SPIDR: variants seen among roughly 807,000 people sequenced by gnomAD.
SPIDR encodes DNA repair-scaffolding protein.
In SPIDR, 93 loss-of-function variants were observed where a neutral mutation model predicts 104.6. That is an observed-to-expected ratio of 0.89 (90% CI 0.75 to 1.06). SPIDR has a LOEUF of 1.06. Ranked by LOEUF, SPIDR falls within the 50% of genes least tolerant of loss-of-function variation. The pLI, the probability that SPIDR is intolerant of heterozygous loss-of-function variation, is 0.00. For missense variants in SPIDR, 1,154 were observed against 1,111.2 expected, an observed-to-expected ratio of 1.04 and a Z score of -0.55; for synonymous variants, 431 against 416.9, an observed-to-expected ratio of 1.03 and a Z score of -0.41.
chr8:47,328,507 C>T (rs2048088992), intron 5 of SPIDR, among the ~76,000 whole-genome samples: 1 of 152,150 alleles, frequency 6.6e-6, no homozygotes, highest in South Asian at 2.1e-4. Context: ...CCACCTAAGC[C>T]TCCCAAAGTG....
At position 47,592,640 on chromosome 8, in the gene SPIDR, AGT is replaced by A. The variant is rs1339100673; in HGVS notation, c.1098-3170_1098-3169del. ...AGAACCCGAGTTCGGCCTCTGGTCT[AGT>A]CTCCGGCTCCGCTTGCCTCACGCAC... is the stretch of plus-strand genomic sequence containing the variant. On this transcript the variant is annotated intron_variant, in intron 8 of 19. Coordinates refer to ENST00000297423, the MANE Select transcript of SPIDR (RefSeq NM_001080394.4). 6 of 1,049,548 alleles carry A rather than the reference AGT, an allele frequency of 5.7e-6. No individual in the cohort carries two copies. The African/African-American group carries it at 9.5e-5, about 17-fold the overall frequency. The allele number at this position is 1,049,548 out of a possible 1,614,324, so 65.0% of individuals were successfully genotyped here.
intron 8 of SPIDR, among the ~76,000 whole-genome samples, chr8:47,543,397 A>AT (rs1483198572): frequency 6.6e-6 from 1 of 152,132 alleles, no homozygotes; most frequent in African/African-American, 2.4e-5. Flanking sequence ...TTTAATGTGC[A>AT]TTTCCCTAAT....
chr8:47,442,371 A>G (rs1369662273), intron 8 of SPIDR, among the ~76,000 whole-genome samples: 2 of 152,206 alleles, frequency 1.3e-5, no homozygotes, highest in Non-Finnish European at 2.9e-5. Flanking sequence ...TATGTAAGTT[A>G]TGTAATCCTG....
At chr8:47,498,955 A>C (rs1202888566) in intron 8 of SPIDR, among the ~76,000 whole-genome samples, 2 of 152,212 alleles carry the variant, frequency 1.3e-5, no homozygotes, top group Non-Finnish European at 2.9e-5. Context: ...TGCTCATTTA[A>C]GAAAATATTT....
chr8:47,541,948 T>G (rs1212101506), intron 8 of SPIDR, among the ~76,000 whole-genome samples: 1 of 152,050 alleles, frequency 6.6e-6, no homozygotes, highest in Non-Finnish European at 1.5e-5. Context: ...TAAATATGTT[T>G]ATACTATACT....
intron 8 of SPIDR, among the ~76,000 whole-genome samples, chr8:47,491,500 T>C (rs782359057): frequency 4.6e-5 from 7 of 152,060 alleles, no homozygotes; most frequent in Middle Eastern, 3.4e-3. Context: ...TTCATGAATC[T>C]GGCATGTTTT....
At chr8:47,599,606 A>G (rs188337884) in intron 10 of SPIDR, among the ~76,000 whole-genome samples, 93 of 152,330 alleles carry the variant, frequency 6.1e-4, no homozygotes, top group Non-Finnish European at 1.2e-3. Flanking sequence ...TTCAGAGAGT[A>G]CTGTATCAAA....
chr8:47,705,515 G>A (rs2080951310), intron 14 of SPIDR, among the ~76,000 whole-genome samples: 1 of 152,142 alleles, frequency 6.6e-6, no homozygotes, highest in Non-Finnish European at 1.5e-5. Context: ...TGACTCCTGG[G>A]GCCAGTCCGT....
intron 10 of SPIDR, among the ~76,000 whole-genome samples, chr8:47,627,292 G>T (rs1588558082): frequency 6.6e-6 from 1 of 152,054 alleles, no homozygotes; most frequent in Non-Finnish European, 1.5e-5. Flanking sequence ...AATGCTAAAT[G>T]ACAAGTTAAT....
intron 7 of SPIDR, among the ~76,000 whole-genome samples, chr8:47,434,159 A>G (rs372729097): frequency 1.3e-5 from 2 of 152,236 alleles, no homozygotes; most frequent in African/African-American, 4.8e-5. Context: ...AAGATGAATT[A>G]TTATCATCAC....
intron 8 of SPIDR, among the ~76,000 whole-genome samples, chr8:47,534,744 A>G (rs1030232577): frequency 6.6e-6 from 1 of 152,176 alleles, no homozygotes; most frequent in African/African-American, 2.4e-5. Context: ...ATGTTTACCT[A>G]TGTAACAAAC....
At chr8:47,536,564 T>C (rs548874372) in intron 8 of SPIDR, among the ~76,000 whole-genome samples, 85 of 152,204 alleles carry the variant, frequency 5.6e-4, no homozygotes, top group Non-Finnish European at 1.0e-3. Flanking sequence ...CCTGAACATC[T>C]ACATAAAAAA....
intron 10 of SPIDR, among the ~76,000 whole-genome samples, chr8:47,618,815 T>C (rs1189811901): frequency 6.6e-6 from 1 of 152,204 alleles, no homozygotes. Flanking sequence ...TGGGATACTA[T>C]GCTGTCATCT....
chr8:47,545,429 T>C (rs760065157), intron 8 of SPIDR, among the ~76,000 whole-genome samples: 5 of 152,136 alleles, frequency 3.3e-5, no homozygotes, highest in Non-Finnish European at 5.9e-5. Flanking sequence ...TTGGTGTCCA[T>C]GTATTCTAGT....
At chr8:47,283,987 C>T in intron 2 of SPIDR, 41 bp from the exon 3 acceptor site, 1 of 1,459,514 alleles carries the variant, frequency 6.9e-7, no homozygotes, top group Non-Finnish European at 9.4e-7. Flanking sequence ...TTTTTTTTAG[C>T]ATTTGTCACA....
chr8:47,408,028 T>A, intron 7 of SPIDR, 67 bp downstream of exon 7: 1 of 828,450 alleles, frequency 1.2e-6, no homozygotes, highest in Non-Finnish European at 1.9e-6. Flanking sequence ...ATTCTTACAT[T>A]AAAATATATG....
At chr8:47,271,841 G>C (rs2035386788) in intron 1 of SPIDR, among the ~76,000 whole-genome samples, 1 of 152,110 alleles carries the variant, frequency 6.6e-6, no homozygotes, top group Non-Finnish European at 1.5e-5. Context: ...AGGCTGGAGT[G>C]CAATGACATG....
chr8:47,479,734 G>A (rs185483011), intron 8 of SPIDR, among the ~76,000 whole-genome samples: 45 of 152,294 alleles, frequency 3.0e-4, no homozygotes, highest in African/African-American at 1.1e-3. Flanking sequence ...AAAGGAATTT[G>A]CTACACATTC....
At position 47,260,970 on chromosome 8, in the gene SPIDR, C is replaced by T. The variant is rs2031953089; in HGVS notation, c.12C>T (p.Gly4=). ...CGGCGCTCCCGGAGATGCCCCGCGG[C>T]AGCCGCGCTCGGGGCTCTAAGGTAG... is the stretch of plus-strand genomic sequence containing the variant. The part of the protein sequence containing the change: MPR[G]SRARGSKRKR... The change falls in exon 1 of 20, where the codon GGC becomes GGT. Residue 4 remains glycine, a synonymous_variant. Transcript: ENST00000297423. 9 of 1,230,280 alleles carry T rather than the reference C, an allele frequency of 7.3e-6. No homozygotes were observed. Among genetic ancestry groups the T allele is most frequent in the Non-Finnish European group, 9.1e-6 (9 of 986,790 alleles). The allele number at this position is 1,230,280 out of a possible 1,614,324, so 76.2% of individuals were successfully genotyped here. A position where few individuals can be genotyped will look rare whatever the true frequency, so the allele number is the denominator to read the frequency against.
Sources: allele counts gnomAD v4.1 joint callset (sites outside exome capture counted in the v4.1 genomes callset), GRCh38; gene constraint gnomAD v4.1.1; transcripts MANE v1.5; gene names NCBI Gene and HGNC (gene_info 2026-07-23, HGNC 2026-07-21).